GAS7: variants seen among roughly 807,000 people sequenced by gnomAD.
The protein encoded by GAS7 is growth arrest-specific protein 7.
In GAS7, 28 loss-of-function variants were observed where a neutral mutation model predicts 71.1. The observed-to-expected ratio is 0.39, with a 90% confidence interval of 0.29 to 0.54. The LOEUF (loss-of-function observed/expected upper bound fraction) is 0.54, where lower values mean the gene tolerates loss of function less well. Ranked by LOEUF, GAS7 falls within the 20% of genes least tolerant of loss-of-function variation. GAS7 has a pLI of 0.62. For missense variants in GAS7, 436 were observed against 627.8 expected, an observed-to-expected ratio of 0.69 and a Z score of 3.27; for synonymous variants, 258 against 245.8, an observed-to-expected ratio of 1.05 and a Z score of -0.46.
At chr17:10,113,581 C>T (rs1231563852) in intron 1 of GAS7, among the ~76,000 whole-genome samples, 1 of 152,222 alleles carries the variant, frequency 6.6e-6, no homozygotes, top group East Asian at 1.9e-4. Context: ...GAGGGGATAC[C>T]TGTGTTCAGA....
intron 1 of GAS7, among the ~76,000 whole-genome samples, chr17:10,162,012 A>G (rs2074260331): frequency 6.9e-6 from 1 of 144,034 alleles, no homozygotes. Flanking sequence ...GCCTGCAGTG[A>G]GCCGAGATTG....
chr17:10,036,224 GT>G (rs1258420614), intron 1 of GAS7, among the ~76,000 whole-genome samples: 1 of 150,670 alleles, frequency 6.6e-6, no homozygotes, highest in Admixed American at 6.6e-5. Flanking sequence ...AATGACCCAC[GT>G]CTTTTTTTTT....
intron 1 of GAS7, among the ~76,000 whole-genome samples, chr17:10,188,206 G>A (rs2074471277): frequency 6.6e-6 from 1 of 151,686 alleles, no homozygotes; most frequent in Admixed American, 6.6e-5. Context: ...TCGCGCCACT[G>A]CACTCCAGCC....
intron 2 of GAS7, among the ~76,000 whole-genome samples, chr17:10,010,460 T>C (rs967325118): frequency 2.6e-5 from 4 of 151,928 alleles, no homozygotes; most frequent in South Asian, 2.1e-4. Context: ...CCTGATTCTA[T>C]TTCTTAAACC....
In GAS7 at chr17:10,044,853, G is replaced by T. The variant is rs371062612; in HGVS notation, c.184-24956C>A. On this transcript the variant is annotated intron_variant, in intron 1 of 13. Transcript: ENST00000432992. Reference sequence around the variant, plus strand: ...GCGGATCATGAGGTCAGGAGATGGAGACCATCCTGGCTAACATGGTGAAAC... The same window carrying T: ...GCGGATCATGAGGTCAGGAGATGGATACCATCCTGGCTAACATGGTGAAAC... Among the ~76,000 whole-genome samples, 63 of 152,018 alleles carry T rather than the reference G, an allele frequency of 4.1e-4. 1 individual carries two copies. The East Asian group carries it at 9.3e-3, about 22-fold the overall frequency.
intron 1 of GAS7, among the ~76,000 whole-genome samples, chr17:10,097,366 C>A (rs1051065609): frequency 4.8e-4 from 73 of 152,350 alleles, no homozygotes; most frequent in Admixed American, 1.4e-3. Flanking sequence ...AGAAGAGAGA[C>A]TCCCCGGATG....
rs1337687470 is a variant in GAS7, at chr17:9,915,416, AC to A, written c.*1811del. On this transcript the variant is annotated 3_prime_UTR_variant, in exon 14 of 14. Coordinates refer to ENST00000432992, the MANE Select transcript of GAS7 (RefSeq NM_201433.2). Reference sequence around the variant, plus strand: ...AATTGGTAGCTGGTGTCATGACCCAACCCCAGATCTGGACAGAGTGGTTCTC... The same window carrying A: ...AATTGGTAGCTGGTGTCATGACCCAACCCAGATCTGGACAGAGTGGTTCTC... 4.3e-6 allele frequency: 1 copy of A among 230,180 alleles called. No individual in the cohort carries two copies. The highest frequency in any genetic ancestry group is 8.6e-6 in the Non-Finnish European group (1 of 115,962). The allele number at this position is 230,180 out of a possible 1,614,324, so 14.3% of individuals were successfully genotyped here.
At chr17:9,930,922 G>A (rs1351319277) in intron 9 of GAS7, among the ~76,000 whole-genome samples, 1 of 152,176 alleles carries the variant, frequency 6.6e-6, no homozygotes, top group Non-Finnish European at 1.5e-5. Flanking sequence ...TTTGCATGAC[G>A]GGTCTTCATG....
intron 1 of GAS7, among the ~76,000 whole-genome samples, chr17:10,128,875 G>A (rs542717330): frequency 1.3e-5 from 2 of 152,026 alleles, no homozygotes; most frequent in East Asian, 3.9e-4. Context: ...TGCCCACCTC[G>A]GCCTCCCAAA....
intron 2 of GAS7, among the ~76,000 whole-genome samples, chr17:9,994,401 G>A (rs2070958864): frequency 7.0e-6 from 1 of 143,130 alleles, no homozygotes; most frequent in Admixed American, 6.8e-5. Context: ...CCTGATCTTT[G>A]ACAAACCTGA....
At chr17:10,051,482 G>GGCTCGCAA (rs1332330223) in intron 1 of GAS7, among the ~76,000 whole-genome samples, 1 of 152,154 alleles carries the variant, frequency 6.6e-6, no homozygotes, top group Non-Finnish European at 1.5e-5. Flanking sequence ...AAATACATTT[G>GGCTCGCAA]GAAAAGACGT....
At chr17:10,004,748 G>A (rs991427228) in intron 2 of GAS7, among the ~76,000 whole-genome samples, 14 of 152,016 alleles carry the variant, frequency 9.2e-5, no homozygotes, top group African/African-American at 2.2e-4. Context: ...ACGGTGGCTC[G>A]TGCCTCTAAT....
intron 1 of GAS7, among the ~76,000 whole-genome samples, chr17:10,098,003 C>A (rs2073659836): frequency 6.6e-6 from 1 of 151,354 alleles, no homozygotes; most frequent in African/African-American, 2.4e-5. Context: ...AAGATCGTGC[C>A]ACTGCACTCC....
rs2074368866 is a variant in GAS7 at position 10,175,605 on chromosome 17, TTAGTTA to T, written c.183+22597_183+22602del. 1.0e-4 allele frequency among the ~76,000 whole-genome samples: 9 copies of T among 87,638 alleles called. No individual in the cohort carries two copies. The South Asian group carries it at 3.5e-3, about 34-fold the overall frequency. The allele number at this position is 87,638 out of a possible 152,430, so 57.5% of individuals were successfully genotyped here. On this transcript the variant is annotated intron_variant, in intron 1 of 13. Transcript: ENST00000432992. ...TAATGACCGCATTTTATTTAGTTAG[TTAGTTA>T]GTTAGTTAGTTATTTTCCTTGACCT...
chr17:10,027,572 CA>C (rs1394214891), intron 1 of GAS7, among the ~76,000 whole-genome samples: 3 of 152,236 alleles, frequency 2.0e-5, no homozygotes, highest in African/African-American at 7.2e-5. Context: ...ACGCGGTATT[CA>C]CTAGCTTGTC....
intron 1 of GAS7, among the ~76,000 whole-genome samples, chr17:10,118,972 C>T (rs1214522968): frequency 2.6e-5 from 4 of 152,244 alleles, no homozygotes; most frequent in South Asian, 2.1e-4. Flanking sequence ...GAGTGCCTTC[C>T]GGGCACTTTC....
Position 9,916,932 on chromosome 17 carries a change from G to C in GAS7, c.*296C>G, listed in dbSNP as rs773255798. ...TGTGACAGTGACCCCTACAAAACTC[G>C]GCAAGGACCACAAAGTTCCAGCCTC... On this transcript the variant is annotated 3_prime_UTR_variant, in exon 14 of 14. Transcript: ENST00000432992. The C allele has an allele frequency of 2.0e-6, 1 of 507,980 alleles. No individual in the cohort carries two copies. Among genetic ancestry groups the C allele is most frequent in the African/African-American group, 1.9e-5 (1 of 52,906 alleles). The allele number at this position is 507,980 out of a possible 1,614,324, so 31.5% of individuals were successfully genotyped here.
intron 13 of GAS7, among the ~76,000 whole-genome samples, 192 bp from the exon 14 acceptor site, chr17:9,917,533 C>A (rs1358967272): frequency 6.6e-6 from 1 of 152,198 alleles, no homozygotes. Context: ...CAGTATGCAT[C>A]CCGACCCTGC....
chr17:9,931,820 C>G (rs899932995), intron 9 of GAS7, among the ~76,000 whole-genome samples: 10 of 152,198 alleles, frequency 6.6e-5, no homozygotes, highest in Non-Finnish European at 1.5e-5. Flanking sequence ...CAGCTCTGTT[C>G]CCTCTTCCAA....
Sources: gnomAD v4.1 joint callset for allele counts (sites outside exome capture counted in the v4.1 genomes callset) on GRCh38, gnomAD v4.1.1 for gene constraint, MANE v1.5 for transcripts, NCBI Gene and HGNC (gene_info 2026-07-23, HGNC 2026-07-21) for gene names.